Variants in TBC1D15 observed in about 807,000 individuals in gnomAD.
TBC1D15 encodes the protein GAP for RAB7.
A neutral mutation model predicts 95.4 loss-of-function variants in TBC1D15; 39 were observed. That is an observed-to-expected ratio of 0.41 (90% CI 0.32 to 0.53). TBC1D15 has a LOEUF of 0.53. TBC1D15 is among the 20% of genes least tolerant of loss of function. TBC1D15 has a pLI of 0.29. For synonymous variants in TBC1D15, 258 were observed against 261.3 expected (o/e 0.99, Z 0.12); for missense variants, 733 against 794.3 (o/e 0.92, Z 0.93).
rs777708288 is a variant in TBC1D15, at chr12:71,907,093, C to G, written c.1255C>G (p.Leu419Val). The G allele has an allele frequency of 5.0e-6, 8 of 1,611,402 alleles. No individual in the cohort carries two copies. In the Admixed American group the frequency reaches 1.0e-4, roughly 20 times the overall value. Residue 419 changes from leucine to valine, a missense_variant, in exon 11 of 17, where the codon CTT becomes GTT. Transcript: ENST00000485960. ...EGQDNPGLIL[L>V]HDILMTYCMY... ...CCAAGATAATCCAGGGTTGATTTTA[C>G]TTCATGACATTTTGATGACCTACTG...
At chr12:71,876,349 G>C (rs1232635969) in intron 3 of TBC1D15, among the ~76,000 whole-genome samples, 1 of 152,068 alleles carries the variant, frequency 6.6e-6, no homozygotes. Flanking sequence ...CACTGTGGAA[G>C]GTGGGGATTT....
At chr12:71,847,002 C>T (rs193228760) in intron 1 of TBC1D15, among the ~76,000 whole-genome samples, 12 of 152,146 alleles carry the variant, frequency 7.9e-5, no homozygotes, top group Non-Finnish European at 1.5e-4. Flanking sequence ...TCAAGTGATC[C>T]GCTCACCTTG....
chr12:71,917,896 T>C lies in TBC1D15; in HGVS notation c.1501+99T>C, dbSNP rs775303372. 4.6e-5 allele frequency: 35 copies of C among 760,472 alleles called. 1 individual carries two copies. The Middle Eastern group carries it at 1.9e-3, about 40-fold the overall frequency. The allele number at this position is 760,472 out of a possible 1,614,324, so 47.1% of individuals were successfully genotyped here. A position where few individuals can be genotyped will look rare whatever the true frequency, so the allele number is the denominator to read the frequency against. ...TAAAGAAGCCAGGTGCAGTGGCTCATGCCTATAATCCCAGCACTTTGGAAG... is the reference window on the plus strand; with the variant it reads ...TAAAGAAGCCAGGTGCAGTGGCTCACGCCTATAATCCCAGCACTTTGGAAG... On this transcript the variant is annotated intron_variant, in intron 13 of 16. Coordinates refer to ENST00000485960, the MANE Select transcript of TBC1D15 (RefSeq NM_001146213.3).
intron 5 of TBC1D15, among the ~76,000 whole-genome samples, chr12:71,887,559 T>C (rs568415957): frequency 2.0e-5 from 3 of 152,242 alleles, no homozygotes; most frequent in South Asian, 2.1e-4. Flanking sequence ...AACTCTTTCT[T>C]GTCTTAAGGT....
chr12:71,859,381 T>C (rs1467974838), intron 1 of TBC1D15, among the ~76,000 whole-genome samples: 1 of 152,198 alleles, frequency 6.6e-6, no homozygotes, highest in African/African-American at 2.4e-5. Context: ...AGGTATTTTC[T>C]CCCATTCTAT....
chr12:71,912,972 T>TA lies in TBC1D15; in HGVS notation c.1301-848dup, dbSNP rs1187636862. Reference sequence around the variant, plus strand: ...TAATTGAGGGTTTTATAAGAGGAAGTAAAAAAGAAGTTTGACATGTTCAGG... The same window carrying TA: ...TAATTGAGGGTTTTATAAGAGGAAGTAAAAAAAGAAGTTTGACATGTTCAGG... On this transcript the variant is annotated intron_variant, in intron 11 of 16. Transcript: ENST00000485960. Among the ~76,000 whole-genome samples, 6 of 152,074 alleles carry TA rather than the reference T, an allele frequency of 3.9e-5. No individual in the cohort carries two copies. The East Asian group carries it at 1.2e-3, about 29-fold the overall frequency.
At chr12:71,839,958 G>GCTGGTTTCCCCCAC in intron 1 of TBC1D15, 147 bp downstream of exon 1, 1 of 1,038,764 alleles carries the variant, frequency 9.6e-7, no homozygotes, top group South Asian at 1.5e-5. Context: ...GGTGGTACCA[G>GCTGGTTTCCCCCAC]CTGGTTTCCC....
intron 3 of TBC1D15, among the ~76,000 whole-genome samples, chr12:71,877,554 TCC>T (rs1894209507): frequency 7.5e-6 from 1 of 134,054 alleles, no homozygotes; most frequent in Non-Finnish European, 1.5e-5. Context: ...CTTCCTTCCT[TCC>T]TTCCTTTCTT....
At chr12:71,865,250 G>A (rs1452461649) in intron 1 of TBC1D15, among the ~76,000 whole-genome samples, 1 of 152,204 alleles carries the variant, frequency 6.6e-6, no homozygotes, top group Non-Finnish European at 1.5e-5. Context: ...GAGCCAGGAT[G>A]TATGACACTG....
chr12:71,897,399 GTTC>G (rs896961182), intron 9 of TBC1D15: 1 of 158,848 alleles, frequency 6.3e-6, no homozygotes, highest in Non-Finnish European at 1.4e-5. Flanking sequence ...TTGTTTACCA[GTTC>G]TTCTAAGACA....
At chr12:71,913,410 C>T (rs115410563) in intron 11 of TBC1D15, 2,262 of 154,392 alleles carry the variant, frequency 0.015, 59 homozygotes, top group African/African-American at 0.052. Flanking sequence ...ACATTATTCT[C>T]GCTTGATTTT....
chr12:71,921,413 T>G lies in TBC1D15; in HGVS notation c.1762T>G (p.Cys588Gly). ...SMKIDVEDILCKAEAISLQMV... is the reference protein window; with the variant it reads ...SMKIDVEDILGKAEAISLQMV... ...GAAAATTGATGTGGAAGATATACTC[T>G]GCAAGGCAGAAGCAATTTCTCTACA... The change falls in exon 16 of 17, where the codon TGC (cysteine) becomes GGC (glycine). Residue 588 changes from cysteine (C) to glycine (G), a missense_variant. Physicochemically the swap from Cys to Gly is radical, Grantham distance 159. Coordinates refer to ENST00000485960, the MANE Select transcript of TBC1D15 (RefSeq NM_001146213.3). The G allele has an allele frequency of 6.4e-7, 1 of 1,571,884 alleles. No individual in the cohort carries two copies. The highest frequency in any genetic ancestry group is 8.7e-7 in the Non-Finnish European group (1 of 1,153,904).
At chr12:71,911,549 C>G (rs1384029406) in intron 11 of TBC1D15, among the ~76,000 whole-genome samples, 1 of 143,096 alleles carries the variant, frequency 7.0e-6, no homozygotes, top group Non-Finnish European at 1.5e-5. Flanking sequence ...CGCATGTTCT[C>G]ACTTATAGGT....
chr12:71,841,877 A>G (rs1885106050), intron 1 of TBC1D15, among the ~76,000 whole-genome samples: 1 of 152,216 alleles, frequency 6.6e-6, no homozygotes, highest in Non-Finnish European at 1.5e-5. Context: ...AAAGCTGGTT[A>G]ATGTAACATA....
chr12:71,891,709 GAGAAA>G (rs1199809961), intron 5 of TBC1D15, among the ~76,000 whole-genome samples: 3 of 152,054 alleles, frequency 2.0e-5, no homozygotes, highest in Non-Finnish European at 2.9e-5. Context: ...CAATAGTTAT[GAGAAA>G]AGAAAAGAAG....
rs1332090416 is a variant in TBC1D15, at chr12:71,849,519, A to G, written c.30+9708A>G. ...AAAGAGCGAAAGAGAGAAGGTTCTT[A>G]TGGTCAGCTGTAGATTCAACTTCAT... On this transcript the variant is annotated intron_variant, in intron 1 of 16. Coordinates refer to ENST00000485960, the MANE Select transcript of TBC1D15 (RefSeq NM_001146213.3). The G allele has an allele frequency of 8.0e-6, 6 of 749,454 alleles. No individual in the cohort carries two copies. In the East Asian group the frequency reaches 1.1e-4, roughly 13 times the overall value. 46.4% of individuals were successfully genotyped at this position (749,454 alleles called of 1,614,324 possible).
chr12:71,839,848 C>T (rs376473928), intron 1 of TBC1D15, 37 bp downstream of exon 1: 6 of 1,613,698 alleles, frequency 3.7e-6, no homozygotes, highest in South Asian at 2.2e-5. Context: ...CGGCTTTTCT[C>T]TGGGACGGGG....
chr12:71,845,189 A>G (rs1885996261), intron 1 of TBC1D15, among the ~76,000 whole-genome samples: 1 of 152,192 alleles, frequency 6.6e-6, no homozygotes, highest in Admixed American at 6.5e-5. Context: ...CAGGAAGTAT[A>G]GCCTCACTGT....
At chr12:71,883,408 G>A (rs1464262617) in intron 4 of TBC1D15, among the ~76,000 whole-genome samples, 1 of 152,182 alleles carries the variant, frequency 6.6e-6, no homozygotes, top group Non-Finnish European at 1.5e-5. Context: ...CCAAACTGGT[G>A]TGAAAGCTGC....
Sources: allele counts gnomAD v4.1 joint callset (sites outside exome capture counted in the v4.1 genomes callset), GRCh38; gene constraint gnomAD v4.1.1; transcripts MANE v1.5; gene names NCBI Gene and HGNC (gene_info 2026-07-23, HGNC 2026-07-21).